The following TRIM44 variants were observed in gnomAD, a reference collection of about 807,000 sequenced individuals.
TRIM44 encodes tripartite motif-containing protein 44.
A neutral mutation model predicts 37.4 loss-of-function variants in TRIM44; 13 were observed. The observed-to-expected ratio is 0.35, with a 90% CI of 0.23 to 0.55. TRIM44 has a LOEUF of 0.55. Among genes scored for constraint, TRIM44 ranks in the 20% least tolerant of loss-of-function variants. The pLI is 0.89. For synonymous variants in TRIM44, 175 were observed against 157.2 expected, an observed-to-expected ratio of 1.11 and a Z score of -0.85; for missense variants, 426 against 437.2, an observed-to-expected ratio of 0.97 and a Z score of 0.23.
chr11:35,760,622 C>T (rs558846702), intron 4 of TRIM44, among the ~76,000 whole-genome samples: 2 of 152,272 alleles, frequency 1.3e-5, no homozygotes, highest in African/African-American at 2.4e-5. Flanking sequence ...TGTTCCTATT[C>T]GGCCATCTTG....
At chr11:35,697,728 T>A (rs1328859386) in intron 2 of TRIM44, among the ~76,000 whole-genome samples, 9 of 151,932 alleles carry the variant, frequency 5.9e-5, no homozygotes, top group Admixed American at 3.3e-4. Flanking sequence ...CTTGTGATAG[T>A]TTGTTGAGAA....
chr11:35,663,387 A>G lies in TRIM44; in HGVS notation c.276A>G (p.Glu92=). The change falls in exon 1 of 5, where the codon GAA becomes GAG. Residue 92 remains glutamate (E), a synonymous_variant. Coordinates refer to ENST00000299413, the MANE Select transcript of TRIM44 (RefSeq NM_017583.6). ...AGGTGGAGCAGGAGAGGGAGATAGA[A>G]AGCGAGGCAGGGGAAGAGAGTGAGT... The part of the protein sequence containing the change: ...EVKVEQEREI[E]SEAGEESESE... The G allele has an allele frequency of 6.2e-7, 1 of 1,607,068 alleles. No individual in the cohort carries two copies. Among genetic ancestry groups the G allele is most frequent in the Non-Finnish European group, 8.5e-7 (1 of 1,176,346 alleles).
At chr11:35,754,274 CAG>C (rs1056111373) in intron 4 of TRIM44, among the ~76,000 whole-genome samples, 6 of 152,070 alleles carry the variant, frequency 3.9e-5, no homozygotes, top group South Asian at 2.1e-4. Flanking sequence ...CATGAGTAAA[CAG>C]GGAATCATCT....
In TRIM44 at chr11:35,760,636, C is replaced by G. The variant is rs145631073; in HGVS notation, c.1007+25191C>G. Among the ~76,000 whole-genome samples, 331 of 152,216 alleles carry G rather than the reference C, an allele frequency of 2.2e-3. 3 individuals carry two copies. The highest frequency in any genetic ancestry group is 7.5e-3 in the African/African-American group (313 of 41,530). ...CTGTTCCTATTCGGCCATCTTGGCTCCACTTCCTATGTTTTTTAAATTAAT... is the reference window on the plus strand; with the variant it reads ...CTGTTCCTATTCGGCCATCTTGGCTGCACTTCCTATGTTTTTTAAATTAAT... On this transcript the variant is annotated intron_variant, in intron 4 of 4. Transcript: ENST00000299413.
intron 4 of TRIM44, among the ~76,000 whole-genome samples, chr11:35,782,642 A>G (rs879569575): frequency 3.9e-5 from 6 of 152,120 alleles, no homozygotes; most frequent in African/African-American, 9.7e-5. Context: ...GGTCAGAAGA[A>G]GCACCATGTC....
chr11:35,744,400 G>T (rs1175063198), intron 4 of TRIM44, among the ~76,000 whole-genome samples: 2 of 152,084 alleles, frequency 1.3e-5, no homozygotes, highest in Non-Finnish European at 2.9e-5. Context: ...CTAGCTTTAC[G>T]TAATTGTTCC....
intron 4 of TRIM44, among the ~76,000 whole-genome samples, chr11:35,793,649 G>A (rs937521166): frequency 6.6e-6 from 1 of 152,132 alleles, no homozygotes; most frequent in Non-Finnish European, 1.5e-5. Context: ...TAGCAACAAG[G>A]TACCAGTTAC....
At chr11:35,708,460 C>T (rs1277206445) in intron 2 of TRIM44, among the ~76,000 whole-genome samples, 2 of 151,848 alleles carry the variant, frequency 1.3e-5, no homozygotes, top group East Asian at 1.9e-4. Flanking sequence ...GACACATGCA[C>T]ATGTATGTTT....
At chr11:35,791,149 C>A (rs1481742619) in intron 4 of TRIM44, among the ~76,000 whole-genome samples, 1 of 152,022 alleles carries the variant, frequency 6.6e-6, no homozygotes, top group East Asian at 1.9e-4. Flanking sequence ...AGCAAGTGTC[C>A]ATTTGCTCCA....
intron 4 of TRIM44, among the ~76,000 whole-genome samples, chr11:35,754,484 C>A (rs1406285220): frequency 1.3e-5 from 2 of 151,976 alleles, no homozygotes; most frequent in African/African-American, 4.8e-5. Context: ...CGTCTTTGAT[C>A]CTTCAATCTT....
At chr11:35,707,397 G>T (rs1769541951) in intron 2 of TRIM44, among the ~76,000 whole-genome samples, 1 of 152,058 alleles carries the variant, frequency 6.6e-6, no homozygotes, top group Non-Finnish European at 1.5e-5. Flanking sequence ...TTTCTTCACA[G>T]AATTGGAAAA....
chr11:35,739,883 G>A (rs538256650), intron 4 of TRIM44, among the ~76,000 whole-genome samples: 109 of 152,020 alleles, frequency 7.2e-4, no homozygotes, highest in Non-Finnish European at 1.4e-3. Context: ...CCCTGATCAC[G>A]AGGTCAGGAG....
chr11:35,693,776 GGT>G (rs1272666326), intron 2 of TRIM44, among the ~76,000 whole-genome samples: 5 of 152,114 alleles, frequency 3.3e-5, no homozygotes, highest in Non-Finnish European at 7.4e-5. Context: ...GTCATTCATA[GGT>G]TATGGTGTCC....
chr11:35,671,953 A>G (rs1851397707), intron 1 of TRIM44, among the ~76,000 whole-genome samples: 2 of 152,148 alleles, frequency 1.3e-5, no homozygotes, highest in Admixed American at 6.5e-5. Context: ...GTCATCTCAG[A>G]TATGTGGGAT....
At chr11:35,669,454 CCCTT>C (rs962299786) in intron 1 of TRIM44, among the ~76,000 whole-genome samples, 1 of 142,250 alleles carries the variant, frequency 7.0e-6, no homozygotes, top group Non-Finnish European at 1.5e-5. Context: ...GGAAAGGATC[CCCTT>C]TATTTATTTA....
chr11:35,781,279 C>T (rs1853062882), intron 4 of TRIM44, among the ~76,000 whole-genome samples: 1 of 151,986 alleles, frequency 6.6e-6, no homozygotes, highest in African/African-American at 2.4e-5. Context: ...AACAGTGAAG[C>T]ATGTTTCTGA....
At position 35,663,006 on chromosome 11, in the gene TRIM44, C is replaced by A. The variant is rs1475844264; in HGVS notation, c.-106C>A. The A allele has an allele frequency of 9.9e-6, 14 of 1,414,316 alleles. No individual in the cohort carries two copies. The highest frequency in any genetic ancestry group is 1.3e-5 in the Non-Finnish European group (14 of 1,089,766). The allele number at this position is 1,414,316 out of a possible 1,614,324, so 87.6% of individuals were successfully genotyped here. A position where few individuals can be genotyped will look rare whatever the true frequency, so the allele number is the denominator to read the frequency against. ...GACGCGGCGCGGTCCAGGCGGGAGG[C>A]GACTCCCTAGGAAGGGACCCGGGGC... On this transcript the variant is annotated 5_prime_UTR_variant, in exon 1 of 5. Transcript: ENST00000299413.
At chr11:35,763,063 T>C (rs1209220854) in intron 4 of TRIM44, among the ~76,000 whole-genome samples, 1 of 152,204 alleles carries the variant, frequency 6.6e-6, no homozygotes, top group African/African-American at 2.4e-5. Flanking sequence ...TTTTCTCACA[T>C]ACTACATGTC....
intron 2 of TRIM44, among the ~76,000 whole-genome samples, chr11:35,706,513 A>G (rs1221762204): frequency 2.6e-5 from 4 of 152,216 alleles, no homozygotes; most frequent in Non-Finnish European, 4.4e-5. Flanking sequence ...AAAATCCTCA[A>G]TAAAATACTG....
Sources: allele counts gnomAD v4.1 joint callset (sites outside exome capture counted in the v4.1 genomes callset), GRCh38; gene constraint gnomAD v4.1.1; transcripts MANE v1.5; gene names NCBI Gene and HGNC (gene_info 2026-07-23, HGNC 2026-07-21).